The following PRKG1 variants were observed in gnomAD, a reference collection of about 807,000 sequenced individuals.
PRKG1 encodes protein kinase cGMP-dependent 1.
Under a neutral mutation model 88.1 loss-of-function variants are expected in PRKG1, and 35 were observed. That is an observed-to-expected ratio of 0.40 (90% confidence interval 0.30 to 0.53). The LOEUF (loss-of-function observed/expected upper bound fraction) is 0.53, where lower values mean the gene tolerates loss of function less well. Ranked by LOEUF, PRKG1 falls within the 20% of genes least tolerant of loss-of-function variation. The pLI is 0.59. For missense variants in PRKG1, 540 were observed against 839.8 expected (o/e 0.64, Z 4.41); for synonymous variants, 303 against 292.5 (o/e 1.04, Z -0.37).
intron 2 of PRKG1, among the ~76,000 whole-genome samples, chr10:51,302,286 C>G (rs1213444145): frequency 6.6e-6 from 1 of 152,150 alleles, no homozygotes; most frequent in African/African-American, 2.4e-5. Context: ...ATCTACTTGA[C>G]AAACATTTTT....
intron 7 of PRKG1, among the ~76,000 whole-genome samples, chr10:52,114,588 A>G (rs1014819004): frequency 6.6e-6 from 1 of 151,968 alleles, no homozygotes; most frequent in Non-Finnish European, 1.5e-5. Flanking sequence ...ACTTTTAAGC[A>G]GCAAATACCT....
At chr10:51,172,522 T>A (rs1380287381) in intron 2 of PRKG1, among the ~76,000 whole-genome samples, 5 of 152,058 alleles carry the variant, frequency 3.3e-5, no homozygotes, top group Admixed American at 3.3e-4. Context: ...TACCTACTTT[T>A]TAATAATACA....
chr10:51,399,441 G>GA (rs983762488), intron 2 of PRKG1, among the ~76,000 whole-genome samples: 2 of 151,730 alleles, frequency 1.3e-5, no homozygotes, highest in African/African-American at 2.4e-5. Context: ...TCTGATCAAA[G>GA]AAAAAAAATA....
At chr10:51,042,432 T>C (rs1808688229) in intron 1 of PRKG1, among the ~76,000 whole-genome samples, 1 of 138,728 alleles carries the variant, frequency 7.2e-6, no homozygotes, top group African/African-American at 2.4e-5. Context: ...TCTTATACCT[T>C]CAAATTCTGG....
intron 3 of PRKG1, among the ~76,000 whole-genome samples, chr10:51,477,926 C>A (rs1476500412): frequency 6.6e-6 from 1 of 152,026 alleles, no homozygotes; most frequent in East Asian, 1.9e-4. Context: ...ACATGAGGCA[C>A]TGATACCAAA....
At chr10:52,290,890 A>G (rs1163251401) in intron 17 of PRKG1, among the ~76,000 whole-genome samples, 3 of 151,726 alleles carry the variant, frequency 2.0e-5, no homozygotes, top group Non-Finnish European at 4.4e-5. Context: ...ACTTTTTCAA[A>G]GAGTCTTTAC....
chr10:52,201,978 C>T lies in PRKG1; in HGVS notation c.1076+40015C>T, dbSNP rs145872158. Among the ~76,000 whole-genome samples, 55 of 152,096 alleles carry T rather than the reference C, an allele frequency of 3.6e-4. 1 individual carries two copies. In the East Asian group the frequency reaches 8.9e-3, roughly 25 times the overall value. ...GGTAGAGACTATGAAGTTTTATAGA[C>T]GTAAAATCATATTGTCTGCAAACAG... On this transcript the variant is annotated intron_variant, in intron 9 of 17. Coordinates refer to ENST00000373980, the MANE Select transcript of PRKG1 (RefSeq NM_006258.4).
At chr10:51,417,709 T>C (rs745615976) in intron 2 of PRKG1, among the ~76,000 whole-genome samples, 1 of 152,182 alleles carries the variant, frequency 6.6e-6, no homozygotes, top group Non-Finnish European at 1.5e-5. Context: ...TATGCCATTT[T>C]TGGTATGTGA....
intron 2 of PRKG1, among the ~76,000 whole-genome samples, chr10:51,366,336 C>T (rs1274899137): frequency 2.0e-5 from 3 of 151,860 alleles, no homozygotes; most frequent in African/African-American, 7.3e-5. Flanking sequence ...TATTAAAAAG[C>T]CACCAGTTCC....
At chr10:51,716,681 T>A (rs1022342212) in intron 3 of PRKG1, among the ~76,000 whole-genome samples, 7 of 152,142 alleles carry the variant, frequency 4.6e-5, no homozygotes, top group African/African-American at 1.7e-4. Context: ...TAGGGCAGTT[T>A]TGTTAATAAT....
At chr10:51,277,559 GC>G (rs1348420534) in intron 2 of PRKG1, among the ~76,000 whole-genome samples, 2 of 152,166 alleles carry the variant, frequency 1.3e-5, no homozygotes, top group Non-Finnish European at 2.9e-5. Flanking sequence ...GGACGGTATG[GC>G]CATTTTCACA....
At chr10:52,141,645 T>C (rs1837584489) in intron 8 of PRKG1, among the ~76,000 whole-genome samples, 1 of 152,212 alleles carries the variant, frequency 6.6e-6, no homozygotes. Context: ...AAGGTTCTCT[T>C]TAGTAACCTT....
At chr10:51,194,245 T>C (rs1030539539) in intron 2 of PRKG1, among the ~76,000 whole-genome samples, 6 of 151,996 alleles carry the variant, frequency 3.9e-5, no homozygotes, top group African/African-American at 1.2e-4. Context: ...AGTTTTTTTT[T>C]TTTTCAATTA....
chr10:52,246,849 C>T (rs1841035217), intron 9 of PRKG1, among the ~76,000 whole-genome samples: 1 of 128,116 alleles, frequency 7.8e-6, no homozygotes, highest in African/African-American at 3.0e-5. Context: ...GCACTCCAGC[C>T]TGGGCAACAA....
At chr10:51,956,662 G>A (rs769926005) in intron 5 of PRKG1, among the ~76,000 whole-genome samples, 3 of 151,844 alleles carry the variant, frequency 2.0e-5, no homozygotes, top group Admixed American at 6.6e-5. Flanking sequence ...TTGAAACTAC[G>A]ACAACCAATA....
Position 51,788,163 on chromosome 10 carries a change from C to T in PRKG1, c.593-16422C>T, listed in dbSNP as rs188768450. On this transcript the variant is annotated intron_variant, in intron 3 of 17. Transcript: ENST00000373980. ...CAGATTTTTTTCCTATGGAAGATACCAGTGATCCTTTTGTAAAATACAGAT... is the reference window on the plus strand; with the variant it reads ...CAGATTTTTTTCCTATGGAAGATACTAGTGATCCTTTTGTAAAATACAGAT... 2.4e-3 allele frequency among the ~76,000 whole-genome samples: 359 copies of T among 152,206 alleles called. 2 individuals are homozygous for T. The highest frequency in any genetic ancestry group is 7.7e-3 in the African/African-American group (321 of 41,536).
intron 4 of PRKG1, among the ~76,000 whole-genome samples, chr10:51,858,340 TATTATATAAA>T (rs1252779221): frequency 3.9e-5 from 1 of 25,782 alleles, no homozygotes; most frequent in African/African-American, 1.2e-4. Context: ...ATAATATATA[TATTATATAAA>T]ATATATATAT....
chr10:52,103,078 C>T (rs971429138), intron 7 of PRKG1, among the ~76,000 whole-genome samples: 14 of 152,092 alleles, frequency 9.2e-5, no homozygotes, highest in Non-Finnish European at 1.5e-4. Context: ...ACTGCACATG[C>T]GAGGGATCTA....
chr10:51,613,435 A>C (rs1301178363), intron 3 of PRKG1, among the ~76,000 whole-genome samples: 1 of 151,654 alleles, frequency 6.6e-6, no homozygotes, highest in Non-Finnish European at 1.5e-5. Context: ...CTAGTGGTTT[A>C]TCAATTTTGT....
Sources: allele counts gnomAD v4.1 joint callset (sites outside exome capture counted in the v4.1 genomes callset), GRCh38; gene constraint gnomAD v4.1.1; transcripts MANE v1.5; gene names NCBI Gene and HGNC (gene_info 2026-07-23, HGNC 2026-07-21).